The following EEF1AKMT2 variants were observed in gnomAD, a reference collection of about 807,000 sequenced individuals.
EEF1AKMT2 encodes EEF1A lysine methyltransferase 2, also known as eukaryotic translation elongation factor 1 alpha lysine methyltransferase 2.
A neutral mutation model predicts 35.8 loss-of-function variants in EEF1AKMT2; 32 were observed. The observed-to-expected ratio is 0.89, with a 90% CI of 0.67 to 1.20. The LOEUF (loss-of-function observed/expected upper bound fraction) is 1.20, where lower values mean the gene tolerates loss of function less well. Ranked by LOEUF, EEF1AKMT2 falls within the 50% of genes most tolerant of loss-of-function variation. The pLI is 0.00. For missense variants in EEF1AKMT2, 330 were observed against 347.5 expected (o/e 0.95, Z 0.40); for synonymous variants, 121 against 133.7 (o/e 0.91, Z 0.65).
chr10:124,761,328 G>A (rs916955472), intron 6 of EEF1AKMT2, among the ~76,000 whole-genome samples: 1 of 152,082 alleles, frequency 6.6e-6, no homozygotes, highest in East Asian at 1.9e-4. Flanking sequence ...TCTGGAGAAG[G>A]GTAGTGATGA....
intron 3 of EEF1AKMT2, among the ~76,000 whole-genome samples, chr10:124,785,246 CAAAAAAAAAAAA>C (rs35915292): frequency 4.9e-5 from 3 of 61,398 alleles, no homozygotes; most frequent in African/African-American, 7.3e-5. Context: ...GACTCCGTCT[CAAAAAAAAAAAA>C]AAAAAAAAAA....
At chr10:124,760,789 G>C (rs1347745653) in intron 6 of EEF1AKMT2, among the ~76,000 whole-genome samples, 1 of 152,186 alleles carries the variant, frequency 6.6e-6, no homozygotes, top group African/African-American at 2.4e-5. Flanking sequence ...CTTCCTGTTT[G>C]TCATCTCTGC....
intron 3 of EEF1AKMT2, among the ~76,000 whole-genome samples, chr10:124,788,077 C>T (rs1348075574): frequency 6.6e-6 from 1 of 152,154 alleles, no homozygotes; most frequent in Non-Finnish European, 1.5e-5. Context: ...TGTCCATCCC[C>T]ACGTATACTT....
At position 124,762,174 on chromosome 10, in the gene EEF1AKMT2, C is replaced by T. The variant is rs564331040; in HGVS notation, c.875+126G>A. On this transcript the variant is annotated intron_variant, in intron 6 of 6. Coordinates refer to ENST00000368836, the MANE Select transcript of EEF1AKMT2 (RefSeq NM_212554.4). Reference sequence around the variant, plus strand: ...CTACTAACGCCAATGCGCCACCCCACGCCATCAAATTCACTGTGATTTTGT... The same window carrying T: ...CTACTAACGCCAATGCGCCACCCCATGCCATCAAATTCACTGTGATTTTGT... The T allele has an allele frequency of 1.5e-5, 11 of 711,392 alleles. No individual in the cohort carries two copies. In the South Asian group the frequency reaches 2.7e-4, roughly 17 times the overall value. The allele number at this position is 711,392 out of a possible 1,614,324, so 44.1% of individuals were successfully genotyped here. A position where few individuals can be genotyped will look rare whatever the true frequency, so the allele number is the denominator to read the frequency against.
At chr10:124,767,677 G>C (rs979581770) in intron 4 of EEF1AKMT2, among the ~76,000 whole-genome samples, 1 of 152,086 alleles carries the variant, frequency 6.6e-6, no homozygotes, top group African/African-American at 2.4e-5. Flanking sequence ...AAGAGAAACA[G>C]TTTGGAAAAG....
intron 4 of EEF1AKMT2, chr10:124,765,833 A>G (rs75563626): frequency 5.6e-4 from 231 of 413,200 alleles, no homozygotes; most frequent in African/African-American, 4.3e-3. Context: ...GAACATTCCA[A>G]ATCTCTACAA....
At chr10:124,772,420 C>CTTTTTTTTTTTTT (rs59707540) in intron 4 of EEF1AKMT2, among the ~76,000 whole-genome samples, 10 of 75,408 alleles carry the variant, frequency 1.3e-4, no homozygotes, top group Admixed American at 2.2e-4. Flanking sequence ...TTTTCTTTTT[C>CTTTTTTTTTTTTT]TTTTTTTTTT....
At chr10:124,791,419 C>G (rs1054837248) in intron 1 of EEF1AKMT2, among the ~76,000 whole-genome samples, 4 of 152,132 alleles carry the variant, frequency 2.6e-5, no homozygotes, top group African/African-American at 4.8e-5. Context: ...GCCCTCTCCC[C>G]CTTTCCCCCA....
intron 3 of EEF1AKMT2, among the ~76,000 whole-genome samples, chr10:124,778,134 T>C (rs1051639985): frequency 1.3e-5 from 2 of 151,618 alleles, no homozygotes; most frequent in African/African-American, 4.9e-5. Flanking sequence ...GAGGTTATAG[T>C]GAGCTCCGGA....
chr10:124,784,079 C>G lies in EEF1AKMT2; in HGVS notation c.291+4964G>C, dbSNP rs1465577308. Among the ~76,000 whole-genome samples, 3 of 152,154 alleles carry G rather than the reference C, an allele frequency of 2.0e-5. No individual in the cohort carries two copies. The East Asian group carries it at 5.8e-4, about 29-fold the overall frequency. On this transcript the variant is annotated intron_variant, in intron 3 of 6. Coordinates refer to ENST00000368836, the MANE Select transcript of EEF1AKMT2 (RefSeq NM_212554.4). The stretch of plus-strand genomic sequence containing the variant: ...CCTCAGGTGATCTGCCCACCTCAGT[C>G]TCCCAAAATGCTGGGATTACAGGTG...
chr10:124,791,854 G>A lies in EEF1AKMT2; in HGVS notation c.-21C>T, dbSNP rs1472049131. 3 of 1,544,934 alleles carry A rather than the reference G, an allele frequency of 1.9e-6. No individual in the cohort carries two copies. Among genetic ancestry groups the A allele is most frequent in the Non-Finnish European group, 2.6e-6 (3 of 1,151,472 alleles). ...CTCATTTCGCTCCACGTCCTGGACG[G>A]CCGTTGGGGCCGCCATAGAGACGGG... On this transcript the variant is annotated 5_prime_UTR_variant, in exon 1 of 7. Transcript: ENST00000368836.
intron 4 of EEF1AKMT2, among the ~76,000 whole-genome samples, chr10:124,769,251 T>TGA (rs1564902417): frequency 1.5e-5 from 1 of 68,418 alleles, no homozygotes; most frequent in Admixed American, 1.8e-4. Context: ...TATATATATG[T>TGA]GTGTATAAAT....
chr10:124,782,030 C>T (rs1045318031), intron 3 of EEF1AKMT2, among the ~76,000 whole-genome samples: 3 of 152,118 alleles, frequency 2.0e-5, no homozygotes, highest in Admixed American at 1.3e-4. Flanking sequence ...GTAATCTACA[C>T]AGGAACCACT....
intron 4 of EEF1AKMT2, among the ~76,000 whole-genome samples, chr10:124,771,253 C>T (rs1950431840): frequency 6.6e-6 from 1 of 152,000 alleles, no homozygotes; most frequent in Non-Finnish European, 1.5e-5. Flanking sequence ...GCACCTGCCA[C>T]CACACCTGGC....
Position 124,770,145 on chromosome 10 carries a change from G to A in EEF1AKMT2, c.399+4530C>T, listed in dbSNP as rs566602270. Among the ~76,000 whole-genome samples the A allele has an allele frequency of 2.6e-5, 4 of 151,886 alleles. No individual in the cohort carries two copies. In the South Asian group the frequency reaches 6.3e-4, roughly 24 times the overall value. On this transcript the variant is annotated intron_variant, in intron 4 of 6. Transcript: ENST00000368836. ...TAAAAAAATACAAAAATGGCCGGGC[G>A]TGGTAGCTCACACCTGTTATCCCAG...
intron 3 of EEF1AKMT2, among the ~76,000 whole-genome samples, chr10:124,782,200 A>G (rs2134138495): frequency 6.6e-6 from 1 of 152,328 alleles, no homozygotes; most frequent in South Asian, 2.1e-4. Context: ...AGAGAAGAAT[A>G]AAAAACAGAG....
chr10:124,769,797 A>G (rs1950412710), intron 4 of EEF1AKMT2, among the ~76,000 whole-genome samples: 1 of 151,384 alleles, frequency 6.6e-6, no homozygotes, highest in African/African-American at 2.4e-5. Flanking sequence ...AAATACAAAA[A>G]TTAGCCGGGC....
Position 124,791,798 on chromosome 10 carries a change from C to A in EEF1AKMT2, c.36G>T (p.Ala12=). ...TGCCCTTGTCCGACCGCGCCGCCACCGCAGCGCCACCGCCGCCGTCAGCGC... is the reference window on the plus strand; with the variant it reads ...TGCCCTTGTCCGACCGCGCCGCCACAGCAGCGCCACCGCCGCCGTCAGCGC... ...SSGADGGGGA[A]VAARSDKGSP... Residue 12 remains alanine, a synonymous_variant, in exon 1 of 7, where the codon GCG becomes GCT. Coordinates refer to ENST00000368836, the MANE Select transcript of EEF1AKMT2 (RefSeq NM_212554.4). The A allele has an allele frequency of 1.3e-6, 2 of 1,589,984 alleles. No individual in the cohort carries two copies. Among genetic ancestry groups the A allele is most frequent in the East Asian group, 2.3e-5 (1 of 43,984 alleles).
chr10:124,790,076 G>A (rs951590275), intron 2 of EEF1AKMT2, among the ~76,000 whole-genome samples, 197 bp downstream of exon 2: 3 of 151,860 alleles, frequency 2.0e-5, no homozygotes, highest in African/African-American at 2.4e-5. Flanking sequence ...TCTAATTTTC[G>A]TAGAGACAGG....
Sources: gnomAD v4.1 joint callset for allele counts (sites outside exome capture counted in the v4.1 genomes callset) on GRCh38, gnomAD v4.1.1 for gene constraint, MANE v1.5 for transcripts, NCBI Gene and HGNC (gene_info 2026-07-23, HGNC 2026-07-21) for gene names.